MSRA: variants seen among roughly 807,000 people sequenced by gnomAD.
MSRA encodes the protein mitochondrial peptide methionine sulfoxide reductase.
In MSRA, 54 loss-of-function variants were observed where a neutral mutation model predicts 31.3. That is an observed-to-expected ratio of 1.73 (90% CI 1.39 to 2.17). MSRA has a LOEUF of 2.17. Ranked by LOEUF, MSRA falls within the 30% of genes most tolerant of loss-of-function variation. The pLI is 0.00. For missense variants in MSRA, 507 were observed against 300.9 expected (o/e 1.69, Z -5.07); for synonymous variants, 169 against 116.5 (o/e 1.45, Z -2.90).
At chr8:10,243,312 G>A (rs920095751) in intron 2 of MSRA, among the ~76,000 whole-genome samples, 1 of 152,004 alleles carries the variant, frequency 6.6e-6, no homozygotes, top group South Asian at 2.1e-4. Context: ...GAGCTCTCGT[G>A]GTCATTTATG....
chr8:10,279,560 G>A (rs915056252), intron 3 of MSRA, among the ~76,000 whole-genome samples: 5 of 151,960 alleles, frequency 3.3e-5, no homozygotes, highest in South Asian at 2.1e-4. Flanking sequence ...TGACTCTCCC[G>A]TTATATCAAA....
chr8:10,115,539 T>C (rs1800614203), intron 1 of MSRA, among the ~76,000 whole-genome samples: 1 of 152,184 alleles, frequency 6.6e-6, no homozygotes, highest in Non-Finnish European at 1.5e-5. Context: ...AGACCCAGAT[T>C]TGTGGTAATT....
At chr8:10,238,313 G>T (rs1263557066) in intron 2 of MSRA, among the ~76,000 whole-genome samples, 2 of 152,178 alleles carry the variant, frequency 1.3e-5, no homozygotes, top group Admixed American at 6.5e-5. Context: ...CAGCCCACCT[G>T]ATCTCTCTGA....
intron 5 of MSRA, among the ~76,000 whole-genome samples, chr8:10,398,935 C>G (rs559405642): frequency 6.6e-6 from 1 of 152,166 alleles, no homozygotes; most frequent in African/African-American, 2.4e-5. Context: ...AAGCCCCTAT[C>G]GAGAGAGGCA....
At chr8:10,376,884 T>C (rs1563410594) in intron 5 of MSRA, among the ~76,000 whole-genome samples, 1 of 152,230 alleles carries the variant, frequency 6.6e-6, no homozygotes. Flanking sequence ...TTCTTTACTG[T>C]ATCATTGCAC....
rs10665004 is a variant in MSRA at position 10,113,292 on chromosome 8, C to CTTTTTTTTTTTTTTT, written c.142+58642_142+58656dup. ...CATGGCTTTGGTGAAGACAGGTCTT[C>CTTTTTTTTTTTTTTT]TTTTTTTTTTTTTTTTTTTTTTGGA... is the stretch of plus-strand genomic sequence containing the variant. On this transcript the variant is annotated intron_variant, in intron 1 of 5. Transcript: ENST00000317173. 5.7e-3 allele frequency among the ~76,000 whole-genome samples: 329 copies of CTTTTTTTTTTTTTTT among 57,532 alleles called. 7 individuals carry two copies. The highest frequency in any genetic ancestry group is 6.9e-3 in the Admixed American group (24 of 3,476). The allele number at this position is 57,532 out of a possible 152,430, so 37.7% of individuals were successfully genotyped here.
chr8:10,388,020 C>T (rs1043658053), intron 5 of MSRA, among the ~76,000 whole-genome samples: 2 of 152,152 alleles, frequency 1.3e-5, no homozygotes, highest in African/African-American at 4.8e-5. Flanking sequence ...AAAGTTTGTT[C>T]TCCACCTTCT....
chr8:10,072,401 A>C (rs577272206), intron 1 of MSRA, among the ~76,000 whole-genome samples: 1 of 151,932 alleles, frequency 6.6e-6, no homozygotes, highest in Admixed American at 6.5e-5. Context: ...ATTTTTGTCC[A>C]AAATTAGTTG....
At chr8:10,163,243 A>G (rs1407888543) in intron 1 of MSRA, among the ~76,000 whole-genome samples, 2 of 152,208 alleles carry the variant, frequency 1.3e-5, no homozygotes, top group African/African-American at 4.8e-5. Flanking sequence ...AGTCTGTGGC[A>G]GTTCGTTATA....
intron 1 of MSRA, among the ~76,000 whole-genome samples, chr8:10,058,271 T>G (rs1802506905): frequency 6.6e-6 from 1 of 152,098 alleles, no homozygotes; most frequent in Non-Finnish European, 1.5e-5. Context: ...TGAACTACAC[T>G]AATGACATTT....
intron 1 of MSRA, among the ~76,000 whole-genome samples, chr8:10,064,617 T>C (rs549092312): frequency 2.0e-5 from 3 of 152,302 alleles, no homozygotes; most frequent in Admixed American, 6.5e-5. Flanking sequence ...TCCCAGAGCA[T>C]GTTTATAAAA....
At chr8:10,309,891 G>A (rs964072603) in intron 4 of MSRA, among the ~76,000 whole-genome samples, 7 of 152,204 alleles carry the variant, frequency 4.6e-5, no homozygotes, top group Non-Finnish European at 7.3e-5. Context: ...GTGTTCAGGA[G>A]GTTGGCTCCC....
At chr8:10,126,123 A>T (rs573212213) in intron 1 of MSRA, among the ~76,000 whole-genome samples, 18 of 152,198 alleles carry the variant, frequency 1.2e-4, no homozygotes, top group Non-Finnish European at 2.5e-4. Context: ...TAAAAATTCA[A>T]GGTTCTTCTA....
intron 3 of MSRA, among the ~76,000 whole-genome samples, chr8:10,247,928 T>G (rs1012270937): frequency 6.6e-6 from 1 of 152,110 alleles, no homozygotes; most frequent in Non-Finnish European, 1.5e-5. Flanking sequence ...GCTAGAGTAA[T>G]TATGGTAACT....
intron 3 of MSRA, among the ~76,000 whole-genome samples, chr8:10,252,729 C>A (rs1239575405): frequency 6.6e-6 from 1 of 152,122 alleles, no homozygotes; most frequent in South Asian, 2.1e-4. Context: ...GGCTGCAGAC[C>A]TTACATATAA....
Position 10,198,045 on chromosome 8 carries a change from C to T in MSRA, c.143-9788C>T, listed in dbSNP as rs716171. Among the ~76,000 whole-genome samples, 50 of 151,928 alleles carry T rather than the reference C, an allele frequency of 3.3e-4. No individual in the cohort carries two copies. The East Asian group carries it at 5.6e-3, about 17-fold the overall frequency. The stretch of plus-strand genomic sequence containing the variant: ...GAGGAGTGGGACTTAGAAGAGAACA[C>T]GTAGTATTTTACAACTTCCAAAATA... On this transcript the variant is annotated intron_variant, in intron 1 of 5. Coordinates refer to ENST00000317173, the MANE Select transcript of MSRA (RefSeq NM_012331.5).
chr8:10,097,108 C>G (rs184067443), intron 1 of MSRA, among the ~76,000 whole-genome samples: 1 of 152,158 alleles, frequency 6.6e-6, no homozygotes, highest in Admixed American at 6.5e-5. Context: ...TTAATTGTTT[C>G]ACATGTTTTT....
chr8:10,297,451 G>A (rs1414376545), intron 3 of MSRA, among the ~76,000 whole-genome samples: 1 of 152,190 alleles, frequency 6.6e-6, no homozygotes, highest in East Asian at 1.9e-4. Context: ...GTGAAGACAC[G>A]GCTTGAAGTA....
chr8:10,116,463 T>C (rs1211143521), intron 1 of MSRA, among the ~76,000 whole-genome samples: 1 of 152,192 alleles, frequency 6.6e-6, no homozygotes, highest in Non-Finnish European at 1.5e-5. Context: ...TCCTGTATGC[T>C]GAACGCCATG....
Sources: gnomAD v4.1 joint callset for allele counts (sites outside exome capture counted in the v4.1 genomes callset) on GRCh38, gnomAD v4.1.1 for gene constraint, MANE v1.5 for transcripts, NCBI Gene and HGNC (gene_info 2026-07-23, HGNC 2026-07-21) for gene names.